The following ATXN2 variants were observed in gnomAD, a reference collection of about 807,000 sequenced individuals.
The protein encoded by ATXN2 is ataxin 2.
Under a neutral mutation model 138.6 loss-of-function variants are expected in ATXN2, and 37 were observed. The ratio of observed to expected loss-of-function variants is 0.27; its 90% CI spans 0.21 to 0.35. The LOEUF (loss-of-function observed/expected upper bound fraction) is 0.35. ATXN2 is among the 10% of genes least tolerant of loss of function. ATXN2 has a pLI of 1.00. For missense variants in ATXN2, 1,216 were observed against 1,480.3 expected, an observed-to-expected ratio of 0.82 and a Z score of 2.93; for synonymous variants, 549 against 543.7, an observed-to-expected ratio of 1.01 and a Z score of -0.13.
intron 1 of ATXN2, among the ~76,000 whole-genome samples, chr12:111,562,125 TAAAAAAAA>T (rs79681962): frequency 5.0e-5 from 7 of 140,888 alleles, no homozygotes; most frequent in African/African-American, 1.3e-4. Context: ...GACTCCACCT[TAAAAAAAA>T]AAAAAGAAAA....
chr12:111,585,719 T>C (rs1884285843), intron 1 of ATXN2, among the ~76,000 whole-genome samples: 1 of 146,838 alleles, frequency 6.8e-6, no homozygotes. Flanking sequence ...GGAGAACTGC[T>C]TGAACCTGGG....
chr12:111,579,559 G>C (rs1883869653), intron 1 of ATXN2, among the ~76,000 whole-genome samples: 1 of 151,886 alleles, frequency 6.6e-6, no homozygotes, highest in Non-Finnish European at 1.5e-5. Flanking sequence ...ATCGCACCCG[G>C]CCTCCAGCTT....
intron 5 of ATXN2, among the ~76,000 whole-genome samples, chr12:111,540,426 T>C (rs890614886): frequency 3.3e-5 from 5 of 150,750 alleles, no homozygotes; most frequent in African/African-American, 1.2e-4. Context: ...GTTAAGTGTT[T>C]TGCAACTCCC....
At chr12:111,559,876 A>C (rs1483022207) in intron 1 of ATXN2, among the ~76,000 whole-genome samples, 1 of 152,102 alleles carries the variant, frequency 6.6e-6, no homozygotes, top group African/African-American at 2.4e-5. Flanking sequence ...GAGAAAAAAA[A>C]CTCACAATCT....
chr12:111,598,645 C>G lies in ATXN2; in HGVS notation c.251+139G>C, dbSNP rs1885063988. On this transcript the variant is annotated intron_variant, in intron 1 of 24. Coordinates refer to ENST00000673436, the MANE Select transcript of ATXN2 (RefSeq NM_001372574.1). The surrounding 1 kb of genome is among the most constrained non-coding windows in gnomAD (Gnocchi z 4.5). ...CCGGCCGAGCCTCGGGGCTCAGGCC[C>G]GAGCGAGTCTCCCCCGCGCTGCCGG... is the stretch of plus-strand genomic sequence containing the variant. 1 of 911,224 alleles carries G rather than the reference C, an allele frequency of 1.1e-6. No homozygotes were observed. The highest frequency in any genetic ancestry group is 1.3e-6 in the Non-Finnish European group (1 of 759,302). 56.4% of individuals were successfully genotyped at this position (911,224 alleles called of 1,614,324 possible). A position where few individuals can be genotyped will look rare whatever the true frequency, so the allele number is the denominator to read the frequency against.
In ATXN2 at chr12:111,486,836, A is replaced by AT; in HGVS notation, c.2241-13dup. 6.2e-7 allele frequency: 1 copy of AT among 1,608,628 alleles called. No homozygotes were observed. The highest frequency in any genetic ancestry group is 1.1e-5 in the South Asian group (1 of 90,798). Reference sequence around the variant, plus strand: ...ATTTCCTAACTTGCCTAAAAAAAATATAAAGGCCAGTGAAATCTACATGGA... The same window carrying AT: ...ATTTCCTAACTTGCCTAAAAAAAATATTAAAGGCCAGTGAAATCTACATGGA... On this transcript the variant is annotated splice_polypyrimidine_tract_variant and intron_variant, in intron 15 of 24. Transcript: ENST00000673436.
At chr12:111,498,222 GCAAT>G (rs747940081) in intron 14 of ATXN2, among the ~76,000 whole-genome samples, 39 of 152,102 alleles carry the variant, frequency 2.6e-4, no homozygotes, top group Admixed American at 1.7e-3. Flanking sequence ...CCTAATTGGA[GCAAT>G]CAGACAACAG....
intron 14 of ATXN2, among the ~76,000 whole-genome samples, chr12:111,508,084 G>A (rs1184232070): frequency 6.6e-6 from 1 of 151,372 alleles, no homozygotes; most frequent in Non-Finnish European, 1.5e-5. Flanking sequence ...TTTATCTGCT[G>A]ACCTTCCCTC....
intron 14 of ATXN2, among the ~76,000 whole-genome samples, chr12:111,497,930 G>A (rs979912261): frequency 6.6e-6 from 1 of 151,924 alleles, no homozygotes; most frequent in Admixed American, 6.6e-5. Flanking sequence ...GCAGGAGAAC[G>A]GCATGAACCC....
intron 14 of ATXN2, among the ~76,000 whole-genome samples, chr12:111,498,891 T>C (rs1295756662): frequency 6.6e-6 from 1 of 152,006 alleles, no homozygotes; most frequent in Non-Finnish European, 1.5e-5. Context: ...CAGAAATGAA[T>C]CCATACGTCT....
chr12:111,528,652 T>C (rs1320011865), intron 5 of ATXN2, among the ~76,000 whole-genome samples: 1 of 152,166 alleles, frequency 6.6e-6, no homozygotes, highest in Admixed American at 6.6e-5. Flanking sequence ...AACACAGAAG[T>C]GTGATTCTAT....
At chr12:111,455,080 G>C (rs987081508) in intron 23 of ATXN2, 1 of 702,858 alleles carries the variant, frequency 1.4e-6, no homozygotes, top group Admixed American at 2.0e-5. Context: ...CAACTGAGTC[G>C]CATCTCTAGC....
At chr12:111,587,851 T>C (rs2135843231) in intron 1 of ATXN2, among the ~76,000 whole-genome samples, 1 of 152,218 alleles carries the variant, frequency 6.6e-6, no homozygotes, top group African/African-American at 2.4e-5. Context: ...TAGAATGAAA[T>C]TTTATTACAT....
chr12:111,530,946 A>T (rs1046772420), intron 5 of ATXN2, among the ~76,000 whole-genome samples: 8 of 151,580 alleles, frequency 5.3e-5, no homozygotes, highest in Non-Finnish European at 1.2e-4. Flanking sequence ...ACCAACATGG[A>T]GAAACCCCCA....
At chr12:111,585,042 G>A (rs1884248410) in intron 1 of ATXN2, among the ~76,000 whole-genome samples, 1 of 152,108 alleles carries the variant, frequency 6.6e-6, no homozygotes, top group African/African-American at 2.4e-5. Flanking sequence ...CCACTAATGT[G>A]TTTCACAATC....
Position 111,598,073 on chromosome 12 carries a change from C to G in ATXN2, c.251+711G>C. The G allele has an allele frequency of 8.8e-7, 1 of 1,140,696 alleles. No homozygotes were observed. Among genetic ancestry groups the G allele is most frequent in the Non-Finnish European group, 1.1e-6 (1 of 913,812 alleles). 70.7% of individuals were successfully genotyped at this position (1,140,696 alleles called of 1,614,324 possible). A position where few individuals can be genotyped will look rare whatever the true frequency, so the allele number is the denominator to read the frequency against. The stretch of plus-strand genomic sequence containing the variant: ...CTTCCCCAGGTGGGGGAGGGTGGAA[C>G]GCTGCCGGAGGCCACATGGAGCCCC... On this transcript the variant is annotated intron_variant, in intron 1 of 24. Coordinates refer to ENST00000673436, the MANE Select transcript of ATXN2 (RefSeq NM_001372574.1). The surrounding 1 kb of genome is among the most constrained non-coding windows in gnomAD (Gnocchi z 4.5).
At chr12:111,536,410 TC>T (rs1172597061) in intron 5 of ATXN2, among the ~76,000 whole-genome samples, 1 of 152,122 alleles carries the variant, frequency 6.6e-6, no homozygotes, top group Non-Finnish European at 1.5e-5. Context: ...CTTCTTACTC[TC>T]CCACTAGGAT....
At chr12:111,580,964 C>A (rs1883963706) in intron 1 of ATXN2, among the ~76,000 whole-genome samples, 1 of 151,718 alleles carries the variant, frequency 6.6e-6, no homozygotes, top group Admixed American at 6.6e-5. Flanking sequence ...CATGGTGCTA[C>A]CCCATCTCTA....
intron 23 of ATXN2, 177 bp from the exon 24 acceptor site, chr12:111,454,022 T>C: frequency 6.3e-6 from 4 of 631,982 alleles, no homozygotes; most frequent in Non-Finnish European, 1.0e-5. Context: ...GAAGACGCGC[T>C]TCACCTTTGG....
Sources: allele counts gnomAD v4.1 joint callset (sites outside exome capture counted in the v4.1 genomes callset), GRCh38; gene constraint gnomAD v4.1.1; non-coding constraint Gnocchi (gnomAD v3.1); transcripts MANE v1.5; gene names NCBI Gene and HGNC (gene_info 2026-07-23, HGNC 2026-07-21).